RAB7B: variants seen among roughly 807,000 people sequenced by gnomAD.
RAB7B encodes the protein RAB7B, member RAS oncogene family.
Position 205,985,750 on chromosome 1 carries a change from A to T in RAB7B, c.397-85T>A. The T allele has an allele frequency of 5.8e-6, 2 of 344,294 alleles. 1 individual carries two copies. Among genetic ancestry groups the T allele is most frequent in the South Asian group, 2.2e-4 (2 of 9,100 alleles). The allele number at this position is 344,294 out of a possible 1,614,324, so 21.3% of individuals were successfully genotyped here. The stretch of plus-strand genomic sequence containing the variant: ...CCACCATCACATCCCCACCATCCCC[A>T]TCAGGCCCACCATCCCCACCATCCC... On this transcript the variant is annotated intron_variant, in intron 4 of 5. Transcript: ENST00000617070.
At chr1:205,995,608 C>T (rs1660801350) in intron 1 of RAB7B, among the ~76,000 whole-genome samples, 1 of 152,042 alleles carries the variant, frequency 6.6e-6, no homozygotes, top group Non-Finnish European at 1.5e-5. Context: ...CCTGGAGGAC[C>T]TTATGTTAAG....
At chr1:205,982,213 C>T (rs993685614) in intron 5 of RAB7B, among the ~76,000 whole-genome samples, 1 of 152,202 alleles carries the variant, frequency 6.6e-6, no homozygotes, top group Non-Finnish European at 1.5e-5. Context: ...CTCCTTTGTT[C>T]CCCGTATTGC....
intron 4 of RAB7B, among the ~76,000 whole-genome samples, chr1:205,989,652 T>C (rs36128424): frequency 0.6 from 91,389 of 151,820 alleles, 30,374 homozygotes; most frequent in African/African-American, 0.9. Flanking sequence ...TGCTGCCCTG[T>C]TCCCCAGCCT....
chr1:205,996,348 G>A (rs1660813237), intron 1 of RAB7B, among the ~76,000 whole-genome samples: 1 of 152,136 alleles, frequency 6.6e-6, no homozygotes, highest in Non-Finnish European at 1.5e-5. Flanking sequence ...CTCAGATGAG[G>A]TGTCAAAAGT....
intron 1 of RAB7B, among the ~76,000 whole-genome samples, chr1:205,994,814 A>T (rs1206456959): frequency 1.3e-5 from 2 of 152,218 alleles, no homozygotes. Context: ...TACTGTTTAT[A>T]AACATCCAAC....
chr1:205,977,545 T>C lies in RAB7B; in HGVS notation c.*1306A>G, dbSNP rs1489146044. 1.3e-5 allele frequency: 2 copies of C among 152,154 alleles called. No individual in the cohort carries two copies. The highest frequency in any genetic ancestry group is 2.4e-5 in the African/African-American group (1 of 41,422). The allele number at this position is 152,154 out of a possible 1,614,324, so 9.4% of individuals were successfully genotyped here. ...ACCTTCATGAGCATCCACTTTCTGCTCAGCCTGGAAGAGAAGGAGCACTGC... is the reference window on the plus strand; with the variant it reads ...ACCTTCATGAGCATCCACTTTCTGCCCAGCCTGGAAGAGAAGGAGCACTGC... On this transcript the variant is annotated 3_prime_UTR_variant, in exon 6 of 6. Coordinates refer to ENST00000617070, the MANE Select transcript of RAB7B (RefSeq NM_001164522.3).
At chr1:205,988,217 T>C (rs1284321262) in intron 4 of RAB7B, among the ~76,000 whole-genome samples, 3 of 147,190 alleles carry the variant, frequency 2.0e-5, no homozygotes, top group Non-Finnish European at 3.0e-5. Context: ...ATGATGTATG[T>C]ATGTGTGTGT....
intron 4 of RAB7B, among the ~76,000 whole-genome samples, chr1:205,990,326 A>G (rs1393994301): frequency 3.9e-5 from 6 of 152,194 alleles, no homozygotes; most frequent in African/African-American, 1.4e-4. Flanking sequence ...ATCTCTAGCT[A>G]AAAGATGGTA....
chr1:205,980,514 C>T (rs1369285447), intron 5 of RAB7B, among the ~76,000 whole-genome samples: 1 of 152,256 alleles, frequency 6.6e-6, no homozygotes. Context: ...ACAAGTAATA[C>T]AACACTATTC....
chr1:205,992,543 G>T lies in RAB7B; in HGVS notation c.333C>A (p.Val111=). 2.5e-6 allele frequency: 1 copy of T among 398,704 alleles called. No homozygotes were observed. The highest frequency in any genetic ancestry group is 4.4e-6 in the Non-Finnish European group (1 of 226,086). 24.7% of individuals were successfully genotyped at this position (398,704 alleles called of 1,614,324 possible). ...CCATGGGGTAGGACTGCTCCATGGG[G>T]ACAATCTTGGCCAGGACATCACCCC... ...IWRGDVLAKI[V]PMEQSYPMVL... Residue 111 remains valine (V), a synonymous_variant, in exon 4 of 6, where the codon GTC becomes GTA. Transcript: ENST00000617070.
chr1:205,996,563 C>T (rs1380678025), intron 1 of RAB7B, among the ~76,000 whole-genome samples: 3 of 152,152 alleles, frequency 2.0e-5, no homozygotes, highest in Non-Finnish European at 2.9e-5. Flanking sequence ...TGGAGCTGGA[C>T]CTCATTGGCC....
intron 4 of RAB7B, among the ~76,000 whole-genome samples, chr1:205,989,358 G>T (rs1660677420): frequency 6.6e-6 from 1 of 152,046 alleles, no homozygotes; most frequent in South Asian, 2.1e-4. Context: ...GGACACCAAA[G>T]ATCACCCACC....
chr1:205,992,224 G>C (rs1007234133), intron 4 of RAB7B, among the ~76,000 whole-genome samples: 204 of 152,290 alleles, frequency 1.3e-3, no homozygotes, highest in African/African-American at 4.8e-3. Context: ...TTCTAGGCTT[G>C]GGTAGATGCC....
intron 1 of RAB7B, among the ~76,000 whole-genome samples, chr1:205,999,296 C>G (rs1660854977): frequency 6.6e-6 from 1 of 152,144 alleles, no homozygotes; most frequent in South Asian, 2.1e-4. Context: ...TAAAAGGCAA[C>G]ACACCTATCA....
At position 206,003,325 on chromosome 1, in the gene RAB7B, T is replaced by C. The variant is rs1660918914; in HGVS notation, c.-89A>G. The C allele has an allele frequency of 6.6e-6, 1 of 152,202 alleles. No individual in the cohort carries two copies. The highest frequency in any genetic ancestry group is 1.5e-5 in the Non-Finnish European group (1 of 68,072). The allele number at this position is 152,202 out of a possible 1,614,324, so 9.4% of individuals were successfully genotyped here. A position where few individuals can be genotyped will look rare whatever the true frequency, so the allele number is the denominator to read the frequency against. ...GTCCTCTCTCAGTCTGGTGGTCTCTTCTTAGAGCAGTGGTCTCAGCAGGGC... is the reference window on the plus strand; with the variant it reads ...GTCCTCTCTCAGTCTGGTGGTCTCTCCTTAGAGCAGTGGTCTCAGCAGGGC... On this transcript the variant is annotated 5_prime_UTR_variant, in exon 1 of 6. Coordinates refer to ENST00000617070, the MANE Select transcript of RAB7B (RefSeq NM_001164522.3).
rs1660490462 is a variant in RAB7B at position 205,981,510 on chromosome 1, CAAT to C, written c.523-2585_523-2583del. ...TGAACACCTACTGTGATTTCTTTCA[CAAT>C]GTTAACTGAACACCTACTCTGGTTT... On this transcript the variant is annotated intron_variant, in intron 5 of 5. Coordinates refer to ENST00000617070, the MANE Select transcript of RAB7B (RefSeq NM_001164522.3). 1.9e-3 allele frequency among the ~76,000 whole-genome samples: 245 copies of C among 131,710 alleles called. 13 individuals are homozygous for C. Among genetic ancestry groups the C allele is most frequent in the Middle Eastern group, 4.1e-3 (1 of 242 alleles). The allele number at this position is 131,710 out of a possible 152,430, so 86.4% of individuals were successfully genotyped here.
At chr1:205,991,512 A>G (rs1394505207) in intron 4 of RAB7B, among the ~76,000 whole-genome samples, 2 of 152,160 alleles carry the variant, frequency 1.3e-5, no homozygotes, top group African/African-American at 2.4e-5. Context: ...AAGCTCCTCA[A>G]ACTCGCCATG....
intron 1 of RAB7B, among the ~76,000 whole-genome samples, chr1:205,995,182 C>T (rs1019325515): frequency 6.6e-6 from 1 of 151,946 alleles, no homozygotes; most frequent in Admixed American, 6.6e-5. Flanking sequence ...GGGTGCAGCA[C>T]AACAACATGG....
rs1660429211 is a variant in RAB7B at position 205,978,606 on chromosome 1, G to C, written c.*245C>G. On this transcript the variant is annotated 3_prime_UTR_variant, in exon 6 of 6. Coordinates refer to ENST00000617070, the MANE Select transcript of RAB7B (RefSeq NM_001164522.3). ...GGAAACGGTGACTTCTGCAGGACCA[G>C]GGTTTGGCTCTGACATTCCGGGCTT... 4 of 353,474 alleles carry C rather than the reference G, an allele frequency of 1.1e-5. No individual in the cohort carries two copies. The highest frequency in any genetic ancestry group is 2.0e-5 in the Non-Finnish European group (4 of 197,666). 21.9% of individuals were successfully genotyped at this position (353,474 alleles called of 1,614,324 possible). A position where few individuals can be genotyped will look rare whatever the true frequency, so the allele number is the denominator to read the frequency against.
Sources: gnomAD v4.1 joint callset for allele counts (sites outside exome capture counted in the v4.1 genomes callset) on GRCh38, gnomAD v4.1.1 for gene constraint, MANE v1.5 for transcripts, NCBI Gene and HGNC (gene_info 2026-07-23, HGNC 2026-07-21) for gene names.